TP53BP1: variants seen among roughly 807,000 people sequenced by gnomAD.
TP53BP1 encodes the protein tumor protein p53 binding protein 1, also known as TP53-binding protein 1.
In TP53BP1, 61 loss-of-function variants were observed where a neutral mutation model predicts 200.8. That is an observed-to-expected ratio of 0.30 (90% CI 0.25 to 0.38). TP53BP1 has a LOEUF of 0.38. Among genes scored for constraint, TP53BP1 ranks in the 10% least tolerant of loss-of-function variants. The pLI, the probability that TP53BP1 is intolerant of heterozygous loss-of-function variation, is 1.00. For missense variants in TP53BP1, 2,144 were observed against 2,371.9 expected (o/e 0.90, Z 2.00); for synonymous variants, 822 against 844.3 (o/e 0.97, Z 0.46).
intron 12 of TP53BP1, among the ~76,000 whole-genome samples, chr15:43,450,923 A>G (rs2143007289): frequency 6.6e-6 from 1 of 152,302 alleles, no homozygotes; most frequent in East Asian, 1.9e-4. Context: ...TGCGCAGGCT[A>G]AAGTGCAGTG....
chr15:43,413,624 A>C (rs555845500), intron 23 of TP53BP1, among the ~76,000 whole-genome samples: 1 of 152,366 alleles, frequency 6.6e-6, no homozygotes, highest in East Asian at 1.9e-4. Flanking sequence ...TTGTTTTCAT[A>C]TAGCCACACC....
upstream of TP53BP1, among the ~76,000 whole-genome samples, chr15:43,493,638 TC>T (rs2079160151): frequency 6.6e-6 from 1 of 152,154 alleles, no homozygotes; most frequent in African/African-American, 2.4e-5. Flanking sequence ...CCTGTGTCAA[TC>T]AGGATCCCTT....
In TP53BP1 at chr15:43,479,509, G is replaced by C; in HGVS notation, c.676C>G (p.Gln226Glu). Residue 226 changes from glutamine (Q) to glutamate (E), a missense_variant, in exon 7 of 28, where the codon CAG (glutamine) becomes GAG (glutamate). Transcript: ENST00000382044. ...DANTAIKHEE[Q>E]SNEDIPIAEQ... ...GCTATGGGGATATCTTCGTTGGACTGTTCTTCATGCTTAATTGCTGAGAGT... is the reference window on the plus strand; with the variant it reads ...GCTATGGGGATATCTTCGTTGGACTCTTCTTCATGCTTAATTGCTGAGAGT... 3 of 1,610,164 alleles carry C rather than the reference G, an allele frequency of 1.9e-6. No individual in the cohort carries two copies. The highest frequency in any genetic ancestry group is 2.5e-6 in the Non-Finnish European group (3 of 1,178,794).
chr15:43,492,556 A>G, intron 1 of TP53BP1, 88 bp from the exon 2 acceptor site: 1 of 1,094,392 alleles, frequency 9.1e-7, no homozygotes, highest in Non-Finnish European at 1.3e-6. Flanking sequence ...CGGAAGTACA[A>G]GAGCTGGGAA....
chr15:43,491,842 C>G, intron 3 of TP53BP1, 89 bp from the exon 4 acceptor site: 3 of 1,191,578 alleles, frequency 2.5e-6, no homozygotes, highest in Non-Finnish European at 3.8e-6. Flanking sequence ...CCAATCTAAT[C>G]AGTGACACTA....
chr15:43,483,815 T>C (rs2079008819), intron 4 of TP53BP1, among the ~76,000 whole-genome samples: 1 of 152,320 alleles, frequency 6.6e-6, no homozygotes, highest in African/African-American at 2.4e-5. Context: ...CAACACACTT[T>C]GAGCTCTTCT....
chr15:43,476,209 G>C (rs997272518), intron 8 of TP53BP1, among the ~76,000 whole-genome samples: 4 of 152,170 alleles, frequency 2.6e-5, no homozygotes, highest in Admixed American at 2.6e-4. Flanking sequence ...AGGTTGCAGT[G>C]AGCTGAGATT....
intron 11 of TP53BP1, 118 bp from the exon 12 acceptor site, chr15:43,457,336 T>C (rs1441419629): frequency 1.0e-6 from 1 of 976,106 alleles, no homozygotes; most frequent in Non-Finnish European, 1.4e-6. Flanking sequence ...AATTTTTAAA[T>C]TCATATAAAA....
chr15:43,492,601 T>C lies in TP53BP1; in HGVS notation c.8-133A>G. 4.6e-6 allele frequency: 3 copies of C among 657,098 alleles called. No individual in the cohort carries two copies. The South Asian group carries it at 5.8e-5, about 13-fold the overall frequency. 40.7% of individuals were successfully genotyped at this position (657,098 alleles called of 1,614,324 possible). On this transcript the variant is annotated intron_variant, in intron 1 of 27. Transcript: ENST00000382044. The stretch of plus-strand genomic sequence containing the variant: ...CTTCAGGACTCCTCCAATTAGAATA[T>C]TATATTTATAATTGCTGCAAGCACT...
At chr15:43,488,289 C>T (rs1220830316) in intron 4 of TP53BP1, among the ~76,000 whole-genome samples, 1 of 150,892 alleles carries the variant, frequency 6.6e-6, no homozygotes, top group Non-Finnish European at 1.5e-5. Context: ...CAGAGTGAGG[C>T]CCTGTCTCAA....
At chr15:43,468,925 A>G (rs1445039451) in intron 11 of TP53BP1, among the ~76,000 whole-genome samples, 1 of 152,222 alleles carries the variant, frequency 6.6e-6, no homozygotes, top group Non-Finnish European at 1.5e-5. Context: ...ACAAGTTTTA[A>G]AACTCCAGAA....
intron 1 of TP53BP1, among the ~76,000 whole-genome samples, chr15:43,507,948 C>T (rs983358528): frequency 2.0e-5 from 3 of 152,122 alleles, no homozygotes; most frequent in Non-Finnish European, 4.4e-5. Flanking sequence ...CTTCTGGGCT[C>T]AAGCAATCCA....
Position 43,479,923 on chromosome 15 carries a change from C to T in TP53BP1, c.594G>A (p.Glu198=). The T allele has an allele frequency of 6.2e-7, 1 of 1,614,224 alleles. No homozygotes were observed. Among genetic ancestry groups the T allele is most frequent in the Non-Finnish European group, 8.5e-7 (1 of 1,180,048 alleles). The change falls in exon 6 of 28, where the codon GAG becomes GAA. Residue 198 remains glutamate (E), a synonymous_variant. Coordinates refer to ENST00000382044, the MANE Select transcript of TP53BP1 (RefSeq NM_001141980.3). ...AGTTGGTGGTTACTGATTGTAGCTG[C>T]TCTTTGTCCACTTCATATGGCACAG... The part of the protein sequence containing the change: ...ENTVPYEVDK[E]QLQSVTTNSG...
intron 1 of TP53BP1, among the ~76,000 whole-genome samples, chr15:43,501,941 T>G (rs2079211337): frequency 6.6e-6 from 1 of 152,236 alleles, no homozygotes; most frequent in Non-Finnish European, 1.5e-5. Flanking sequence ...TCATTTATCT[T>G]GGGTAGATAA....
intron 24 of TP53BP1, among the ~76,000 whole-genome samples, chr15:43,410,064 T>C (rs1041614057): frequency 2.6e-5 from 4 of 152,226 alleles, no homozygotes; most frequent in Non-Finnish European, 5.9e-5. Context: ...ATATTCCAAC[T>C]TGAATAACCC....
chr15:43,503,473 C>T (rs753827592), intron 1 of TP53BP1, among the ~76,000 whole-genome samples: 3 of 152,120 alleles, frequency 2.0e-5, no homozygotes, highest in African/African-American at 7.2e-5. Context: ...GCCTGGCCAA[C>T]GTGGCAAAAC....
At chr15:43,457,974 G>A (rs2046340325) in intron 11 of TP53BP1, among the ~76,000 whole-genome samples, 1 of 151,930 alleles carries the variant, frequency 6.6e-6, no homozygotes, top group Non-Finnish European at 1.5e-5. Context: ...AGCCAAGATC[G>A]TGTCATTGCA....
chr15:43,469,701 TGC>T (rs1422829231), intron 11 of TP53BP1, among the ~76,000 whole-genome samples, 155 bp downstream of exon 11: 3 of 152,200 alleles, frequency 2.0e-5, no homozygotes, highest in Non-Finnish European at 4.4e-5. Flanking sequence ...GTTCTAAAAC[TGC>T]TTTGTGACGA....
At chr15:43,436,440 A>G (rs2045800321) in intron 16 of TP53BP1, among the ~76,000 whole-genome samples, 1 of 152,056 alleles carries the variant, frequency 6.6e-6, no homozygotes, top group Non-Finnish European at 1.5e-5. Context: ...AAATATAAGT[A>G]TCATATATTC....
Sources: allele counts gnomAD v4.1 joint callset (sites outside exome capture counted in the v4.1 genomes callset), GRCh38; gene constraint gnomAD v4.1.1; transcripts MANE v1.5; gene names NCBI Gene and HGNC (gene_info 2026-07-23, HGNC 2026-07-21).